Variants in PABPC4L observed in about 807,000 individuals in gnomAD.
PABPC4L encodes polyadenylate-binding protein 4-like.
For synonymous variants in PABPC4L, 169 were observed against 164.1 expected, an observed-to-expected ratio of 1.03 and a Z score of -0.23; for missense variants, 452 against 451.4, an observed-to-expected ratio of 1.00 and a Z score of -0.01.
the PABPC4L span, among the ~76,000 whole-genome samples, chr4:134,095,256 A>G: frequency 2.0e-4 from 30 of 152,098 alleles, no homozygotes; most frequent in South Asian, 5.0e-3. Context: ...AGTACAAAAG[A>G]CAACAATTCT....
chr4:134,072,162 TGCCTTCA>T, the PABPC4L span, among the ~76,000 whole-genome samples: 1 of 152,274 alleles, frequency 6.6e-6, no homozygotes. Context: ...AATCACAAAA[TGCCTTCA>T]GCTTCCTTTT....
At chr4:133,974,171 T>C in the PABPC4L span, among the ~76,000 whole-genome samples, 7 of 150,670 alleles carry the variant, frequency 4.6e-5, 1 homozygote, top group Middle Eastern at 6.3e-3. Context: ...ATATAGATAA[T>C]TGGGAAATAA....
the PABPC4L span, among the ~76,000 whole-genome samples, chr4:134,088,607 T>C: frequency 2.0e-5 from 3 of 151,978 alleles, no homozygotes; most frequent in African/African-American, 4.8e-5. Context: ...AGGGCCTTTA[T>C]AAAAGGGCAT....
the PABPC4L span, chr4:133,978,161 G>T: frequency 6.6e-6 from 1 of 152,182 alleles, no homozygotes; most frequent in East Asian, 1.9e-4. Context: ...AAAGCAACAA[G>T]TATGTTACAG....
the PABPC4L span, among the ~76,000 whole-genome samples, chr4:134,146,766 C>T: frequency 1.3e-4 from 20 of 151,978 alleles, no homozygotes; most frequent in Non-Finnish European, 2.6e-4. Context: ...GCTGATTGGT[C>T]CATGGGTGGT....
chr4:134,064,597 T>G, the PABPC4L span, among the ~76,000 whole-genome samples: 1 of 152,112 alleles, frequency 6.6e-6, no homozygotes, highest in African/African-American at 2.4e-5. Context: ...TGGTTTTGTT[T>G]ATTATTCTAA....
chr4:134,008,232 G>A, the PABPC4L span, among the ~76,000 whole-genome samples: 10 of 151,736 alleles, frequency 6.6e-5, no homozygotes, highest in African/African-American at 1.2e-4. Context: ...CCATGTTTTC[G>A]AGAAAAATTT....
At chr4:133,991,027 G>T in the PABPC4L span, among the ~76,000 whole-genome samples, 4 of 152,046 alleles carry the variant, frequency 2.6e-5, no homozygotes, top group African/African-American at 9.7e-5. Flanking sequence ...TTTGCATCAG[G>T]TTTTGTTGAT....
the PABPC4L span, among the ~76,000 whole-genome samples, chr4:133,955,284 T>G: frequency 1.3e-5 from 2 of 152,122 alleles, no homozygotes; most frequent in Non-Finnish European, 2.9e-5. Flanking sequence ...AAAAAGATTT[T>G]TTTTTAAACC....
At chr4:133,999,730 C>A in the PABPC4L span, among the ~76,000 whole-genome samples, 1 of 151,802 alleles carries the variant, frequency 6.6e-6, no homozygotes, top group African/African-American at 2.4e-5. Context: ...TTGGTTCTTA[C>A]TATGTTTCAT....
the PABPC4L span, among the ~76,000 whole-genome samples, chr4:134,187,182 C>G: frequency 6.6e-6 from 1 of 152,058 alleles, no homozygotes; most frequent in Non-Finnish European, 1.5e-5. Context: ...ACCCAGCCAT[C>G]CCATTACGGG....
chr4:134,197,177 T>C lies in PABPC4L; in HGVS notation c.*2730A>G, dbSNP rs1422402239. 1.3e-5 allele frequency: 2 copies of C among 151,792 alleles called. No homozygotes were observed. The highest frequency in any genetic ancestry group is 1.9e-4 in the East Asian group (1 of 5,204). The allele number at this position is 151,792 out of a possible 1,614,324, so 9.4% of individuals were successfully genotyped here. On this transcript the variant is annotated 3_prime_UTR_variant, in exon 2 of 2. Coordinates refer to ENST00000421491, the MANE Select transcript of PABPC4L (RefSeq NM_001114734.2). ...ATACATGTTTTGGTAAATACTTACC[T>C]AGTATAAGAATCTATGTGAAACTCA...
At chr4:133,999,702 G>A in the PABPC4L span, among the ~76,000 whole-genome samples, 1 of 152,044 alleles carries the variant, frequency 6.6e-6, no homozygotes, top group East Asian at 1.9e-4. Context: ...TTCCATGGGA[G>A]TACAGGAAAA....
chr4:134,171,118 T>C, the PABPC4L span, among the ~76,000 whole-genome samples: 1 of 152,122 alleles, frequency 6.6e-6, no homozygotes, highest in Non-Finnish European at 1.5e-5. Context: ...TTTCATATGT[T>C]TTTGGCCACT....
At chr4:134,167,386 C>A in the PABPC4L span, among the ~76,000 whole-genome samples, 2 of 151,206 alleles carry the variant, frequency 1.3e-5, no homozygotes, top group Admixed American at 1.3e-4. Context: ...AAAATAAAGT[C>A]TATTATAATA....
At chr4:134,169,363 C>T in the PABPC4L span, among the ~76,000 whole-genome samples, 4 of 152,000 alleles carry the variant, frequency 2.6e-5, no homozygotes, top group Non-Finnish European at 5.9e-5. Flanking sequence ...AAACTGAAAG[C>T]CTTTCCTCTA....
chr4:134,054,868 T>C, the PABPC4L span, among the ~76,000 whole-genome samples: 1 of 152,066 alleles, frequency 6.6e-6, no homozygotes, highest in Non-Finnish European at 1.5e-5. Context: ...TACAATTTCA[T>C]TTCTTTGGGG....
the PABPC4L span, among the ~76,000 whole-genome samples, chr4:134,142,200 C>A: frequency 2.0e-5 from 3 of 151,584 alleles, 1 homozygote; most frequent in Admixed American, 6.6e-5. Context: ...AACAACAGAT[C>A]ATTGATTTAA....
chr4:134,010,372 CATT>C, the PABPC4L span, among the ~76,000 whole-genome samples: 1 of 152,028 alleles, frequency 6.6e-6, no homozygotes, highest in Non-Finnish European at 1.5e-5. Context: ...AGCCCAATAA[CATT>C]ATTAAATATC....
Sources: allele counts gnomAD v4.1 joint callset (sites outside exome capture counted in the v4.1 genomes callset), GRCh38; gene constraint gnomAD v4.1.1; transcripts MANE v1.5; gene names NCBI Gene and HGNC (gene_info 2026-07-23, HGNC 2026-07-21).